The following UNC5D variants were observed in gnomAD, a reference collection of about 807,000 sequenced individuals.
UNC5D encodes unc-5 netrin receptor D, also known as netrin receptor UNC5D.
A neutral mutation model predicts 105.4 loss-of-function variants in UNC5D; 39 were observed. The ratio of observed to expected loss-of-function variants is 0.37; its 90% CI spans 0.29 to 0.48. The LOEUF (loss-of-function observed/expected upper bound fraction) is 0.48. Ranked by LOEUF, UNC5D falls within the 20% of genes least tolerant of loss-of-function variation. The pLI, the probability that UNC5D is intolerant of heterozygous loss-of-function variation, is 0.98. For synonymous variants in UNC5D, 452 were observed against 450.4 expected (o/e 1.00, Z -0.04); for missense variants, 991 against 1,202.4 (o/e 0.82, Z 2.60).
chr8:35,581,851 C>T (rs1489033368), intron 3 of UNC5D, among the ~76,000 whole-genome samples: 1 of 152,136 alleles, frequency 6.6e-6, no homozygotes, highest in South Asian at 2.1e-4. Flanking sequence ...ACAGGGGCTC[C>T]TGACAAGACC....
At chr8:35,660,144 C>G (rs1371667472) in intron 4 of UNC5D, among the ~76,000 whole-genome samples, 1 of 152,152 alleles carries the variant, frequency 6.6e-6, no homozygotes, top group African/African-American at 2.4e-5. Flanking sequence ...ACGTCCTCTC[C>G]TAATTATTTT....
intron 16 of UNC5D, among the ~76,000 whole-genome samples, chr8:35,776,286 A>C (rs1036658746): frequency 2.6e-5 from 4 of 152,192 alleles, no homozygotes; most frequent in African/African-American, 9.7e-5. Flanking sequence ...AAAGTTTATG[A>C]TTTTTTAAGT....
At chr8:35,594,295 C>G (rs563230376) in intron 3 of UNC5D, among the ~76,000 whole-genome samples, 1 of 152,280 alleles carries the variant, frequency 6.6e-6, no homozygotes, top group South Asian at 2.1e-4. Flanking sequence ...ACATGGCTTG[C>G]CGTGCTTGTT....
chr8:35,622,921 C>T (rs1334874314), intron 4 of UNC5D, among the ~76,000 whole-genome samples: 1 of 152,300 alleles, frequency 6.6e-6, no homozygotes, highest in East Asian at 1.9e-4. Context: ...TGATCTCTCT[C>T]AGTTTTAGGA....
chr8:35,444,488 G>A (rs1282632057), intron 1 of UNC5D, among the ~76,000 whole-genome samples: 1 of 151,976 alleles, frequency 6.6e-6, no homozygotes, highest in African/African-American at 2.4e-5. Context: ...GTGTGTGTGT[G>A]TAAGTGTGCA....
chr8:35,511,820 T>A (rs1315582158), intron 1 of UNC5D, among the ~76,000 whole-genome samples: 2 of 152,192 alleles, frequency 1.3e-5, no homozygotes, highest in Admixed American at 6.5e-5. Flanking sequence ...CTGGGCTGCA[T>A]GTAGCCACAT....
chr8:35,647,837 G>A (rs1000723834), intron 4 of UNC5D, among the ~76,000 whole-genome samples: 5 of 152,112 alleles, frequency 3.3e-5, no homozygotes, highest in African/African-American at 7.2e-5. Flanking sequence ...ACATAAGCAT[G>A]GTAGAAAGCA....
intron 1 of UNC5D, among the ~76,000 whole-genome samples, chr8:35,323,194 T>C (rs773579756): frequency 2.0e-3 from 122 of 62,370 alleles, no homozygotes; most frequent in Non-Finnish European, 4.8e-3. Flanking sequence ...TTTTCTTTTT[T>C]TTTTTTTTTT....
At chr8:35,435,950 TC>T (rs1319361566) in intron 1 of UNC5D, among the ~76,000 whole-genome samples, 1 of 152,098 alleles carries the variant, frequency 6.6e-6, no homozygotes, top group Non-Finnish European at 1.5e-5. Flanking sequence ...TAAGCATTTA[TC>T]AAACTCTTAG....
intron 1 of UNC5D, among the ~76,000 whole-genome samples, chr8:35,505,133 G>A (rs1333097524): frequency 3.3e-5 from 5 of 152,076 alleles, no homozygotes; most frequent in Admixed American, 2.6e-4. Flanking sequence ...AAAATCTCAC[G>A]TAATCAAGAA....
intron 1 of UNC5D, among the ~76,000 whole-genome samples, chr8:35,306,260 T>C (rs1808411421): frequency 6.6e-6 from 1 of 152,066 alleles, no homozygotes; most frequent in South Asian, 2.1e-4. Flanking sequence ...TGAGATGGCT[T>C]CAATATGTTC....
chr8:35,731,379 C>T (rs1267054621), intron 11 of UNC5D, among the ~76,000 whole-genome samples: 3 of 107,480 alleles, frequency 2.8e-5, no homozygotes, highest in African/African-American at 1.1e-4. Flanking sequence ...TCAGTCTGGG[C>T]AACAGTGAGA....
In UNC5D at chr8:35,794,897, C is replaced by T. The variant is rs984182816; in HGVS notation, c.*4334C>T. On this transcript the variant is annotated 3_prime_UTR_variant, in exon 17 of 17. Transcript: ENST00000404895. ...ACAGGGGATGGAAATCAGACCTGGC[C>T]GTTAGTCACTAGTGTGTAGTACCGT... 2.6e-5 allele frequency: 4 copies of T among 152,068 alleles called. No individual in the cohort carries two copies. Among genetic ancestry groups the T allele is most frequent in the African/African-American group, 7.2e-5 (3 of 41,404 alleles). 9.4% of individuals were successfully genotyped at this position (152,068 alleles called of 1,614,324 possible).
At chr8:35,280,155 C>T (rs1399647488) in intron 1 of UNC5D, among the ~76,000 whole-genome samples, 6 of 152,128 alleles carry the variant, frequency 3.9e-5, no homozygotes, top group Admixed American at 2.6e-4. Flanking sequence ...ACCACCACAC[C>T]TCACTAATTT....
At chr8:35,569,085 A>C (rs1405298564) in intron 3 of UNC5D, among the ~76,000 whole-genome samples, 1 of 152,104 alleles carries the variant, frequency 6.6e-6, no homozygotes, top group African/African-American at 2.4e-5. Flanking sequence ...ACTTGGAAAA[A>C]AGTATGAAAG....
intron 2 of UNC5D, among the ~76,000 whole-genome samples, chr8:35,563,616 C>G (rs1295354705): frequency 1.3e-5 from 2 of 151,948 alleles, no homozygotes; most frequent in Non-Finnish European, 2.9e-5. Context: ...ATTTGTTTCT[C>G]TTGCCTGATT....
At chr8:35,628,391 C>T (rs575548057) in intron 4 of UNC5D, among the ~76,000 whole-genome samples, 53 of 152,264 alleles carry the variant, frequency 3.5e-4, no homozygotes, top group African/African-American at 1.2e-3. Flanking sequence ...GCCTCAGCCT[C>T]CCAAAGTGCT....
intron 4 of UNC5D, among the ~76,000 whole-genome samples, chr8:35,639,961 G>A (rs142923596): frequency 0.02 from 2,975 of 151,860 alleles, 43 homozygotes; most frequent in Non-Finnish European, 0.028. Flanking sequence ...CTGCCCATAA[G>A]CGATCGTCCT....
intron 1 of UNC5D, among the ~76,000 whole-genome samples, chr8:35,352,243 T>TTA (rs1812290059): frequency 6.6e-6 from 1 of 152,018 alleles, no homozygotes; most frequent in Non-Finnish European, 1.5e-5. Context: ...CAGGTTCAAA[T>TTA]TATGATTAAA....
Sources: allele counts gnomAD v4.1 joint callset (sites outside exome capture counted in the v4.1 genomes callset), GRCh38; gene constraint gnomAD v4.1.1; transcripts MANE v1.5; gene names NCBI Gene and HGNC (gene_info 2026-07-23, HGNC 2026-07-21).